Variants in SHOC2 observed in about 807,000 individuals in gnomAD.
SHOC2 encodes leucine-rich repeat protein SHOC-2.
In SHOC2, 4 loss-of-function variants were observed where a neutral mutation model predicts 50.2. The ratio of observed to expected loss-of-function variants is 0.08; its 90% CI spans 0.04 to 0.18. The LOEUF is 0.18. SHOC2 is among the 10% of genes least tolerant of loss of function. The pLI is 1.00. For synonymous variants in SHOC2, 218 were observed against 244.5 expected (o/e 0.89, Z 1.01); for missense variants, 388 against 669.6 (o/e 0.58, Z 4.64).
At chr10:110,936,683 T>G in intron 1 of SHOC2, 1 of 1,011,012 alleles carries the variant, frequency 9.9e-7, no homozygotes, top group Non-Finnish European at 1.5e-6. Flanking sequence ...CTTCTCCATG[T>G]TCCTCTTGGC....
At chr10:110,953,802 T>A (rs1847404871) in intron 1 of SHOC2, among the ~76,000 whole-genome samples, 1 of 151,702 alleles carries the variant, frequency 6.6e-6, no homozygotes, top group South Asian at 2.1e-4. Context: ...TGCCACATAT[T>A]TGGTGGATTG....
chr10:110,951,087 A>G (rs1847342864), intron 1 of SHOC2, among the ~76,000 whole-genome samples: 1 of 152,226 alleles, frequency 6.6e-6, no homozygotes, highest in African/African-American at 2.4e-5. Flanking sequence ...AATGATCAAC[A>G]GAGTGAACAA....
chr10:110,968,206 C>T (rs1206160128), intron 2 of SHOC2, among the ~76,000 whole-genome samples: 2 of 152,068 alleles, frequency 1.3e-5, no homozygotes, highest in African/African-American at 2.4e-5. Flanking sequence ...TTGCAGTTCC[C>T]TGATCACTAT....
rs1296183550 is a variant in SHOC2 at position 110,919,759 on chromosome 10, C to T, written c.-235+102C>T. 7 of 395,540 alleles carry T rather than the reference C, an allele frequency of 1.8e-5. No homozygotes were observed. In the East Asian group the frequency reaches 2.5e-4, roughly 14 times the overall value. The allele number at this position is 395,540 out of a possible 1,614,324, so 24.5% of individuals were successfully genotyped here. ...GGGCTGGCTGTCGGTAGGGGGAGGCCCCGTGCGCCCTGACAGGCGCGAGCC... is the reference window on the plus strand; with the variant it reads ...GGGCTGGCTGTCGGTAGGGGGAGGCTCCGTGCGCCCTGACAGGCGCGAGCC... On this transcript the variant is annotated intron_variant, in intron 1 of 8. Coordinates refer to ENST00000369452, the MANE Select transcript of SHOC2 (RefSeq NM_007373.4).
rs569489004 is a variant in SHOC2, at chr10:110,988,506, A to G, written c.841+2741A>G. On this transcript the variant is annotated intron_variant, in intron 3 of 8. Coordinates refer to ENST00000369452, the MANE Select transcript of SHOC2 (RefSeq NM_007373.4). ...GCATTAAGTTGTTCATAACATTCTT[A>G]TTATTTTAATATCTGTAGAATCTAT... is the stretch of plus-strand genomic sequence containing the variant. 1.2e-4 allele frequency among the ~76,000 whole-genome samples: 19 copies of G among 152,236 alleles called. No individual in the cohort carries two copies. In the South Asian group the frequency reaches 2.5e-3, roughly 20 times the overall value.
chr10:110,959,954 TAC>T (rs1847540844), intron 1 of SHOC2, among the ~76,000 whole-genome samples: 1 of 152,164 alleles, frequency 6.6e-6, no homozygotes, highest in Non-Finnish European at 1.5e-5. Context: ...CCCCTAAGAG[TAC>T]ACTGCTGGAA....
intron 1 of SHOC2, among the ~76,000 whole-genome samples, chr10:110,954,429 G>A (rs1032783376): frequency 1.3e-5 from 2 of 152,240 alleles, no homozygotes; most frequent in East Asian, 1.9e-4. Flanking sequence ...TAAAGGGGTA[G>A]TATCAGCTAG....
chr10:110,986,439 T>C (rs1848077558), intron 3 of SHOC2, among the ~76,000 whole-genome samples: 1 of 152,204 alleles, frequency 6.6e-6, no homozygotes, highest in Non-Finnish European at 1.5e-5. Flanking sequence ...TTAATTTACA[T>C]AATTTCAGTC....
chr10:110,990,659 C>T (rs1210161698), intron 3 of SHOC2, among the ~76,000 whole-genome samples: 8 of 151,956 alleles, frequency 5.3e-5, no homozygotes, highest in Non-Finnish European at 1.0e-4. Flanking sequence ...AGCAGGCTGC[C>T]GGAGCCAGCA....
At chr10:110,923,795 C>T (rs566146432) in intron 1 of SHOC2, among the ~76,000 whole-genome samples, 1 of 152,160 alleles carries the variant, frequency 6.6e-6, no homozygotes, top group South Asian at 2.1e-4. Flanking sequence ...ATTATTTGTG[C>T]ATGACTATCT....
intron 8 of SHOC2, among the ~76,000 whole-genome samples, 164 bp from the exon 9 acceptor site, chr10:111,011,446 C>A (rs1042530763): frequency 2.0e-5 from 3 of 151,966 alleles, no homozygotes; most frequent in African/African-American, 7.3e-5. Flanking sequence ...TTTGAATATG[C>A]AGCAAAATTT....
chr10:110,992,143 G>A (rs1848196203), intron 3 of SHOC2, among the ~76,000 whole-genome samples: 1 of 151,932 alleles, frequency 6.6e-6, no homozygotes, highest in South Asian at 2.1e-4. Context: ...CATTCCTGGA[G>A]TAACTATCAC....
At chr10:110,995,159 T>C (rs1025765094) in intron 3 of SHOC2, among the ~76,000 whole-genome samples, 1 of 152,230 alleles carries the variant, frequency 6.6e-6, no homozygotes, top group Non-Finnish European at 1.5e-5. Context: ...TAAGAAAGTA[T>C]GAATTAATGC....
intron 1 of SHOC2, among the ~76,000 whole-genome samples, chr10:110,947,253 G>T (rs1315193761): frequency 6.6e-6 from 1 of 152,190 alleles, no homozygotes; most frequent in Non-Finnish European, 1.5e-5. Context: ...CAGGCACCAG[G>T]CCAGATCCCA....
At chr10:110,951,293 C>T (rs1327221090) in intron 1 of SHOC2, among the ~76,000 whole-genome samples, 1 of 152,096 alleles carries the variant, frequency 6.6e-6, no homozygotes, top group African/African-American at 2.4e-5. Flanking sequence ...CGTCATTAAT[C>T]ATCAGGGAAA....
intron 1 of SHOC2, among the ~76,000 whole-genome samples, chr10:110,941,687 C>G (rs1847148349): frequency 6.6e-6 from 1 of 152,068 alleles, no homozygotes; most frequent in Non-Finnish European, 1.5e-5. Flanking sequence ...ACATGGTTTG[C>G]AAATATTTTC....
chr10:110,994,407 T>C (rs1680375777), intron 3 of SHOC2, among the ~76,000 whole-genome samples: 1 of 152,192 alleles, frequency 6.6e-6, no homozygotes, highest in Non-Finnish European at 1.5e-5. Flanking sequence ...ATTTTAAATA[T>C]CTATATCATC....
intron 2 of SHOC2, among the ~76,000 whole-genome samples, chr10:110,981,711 C>T (rs1009781301): frequency 1.9e-4 from 29 of 152,020 alleles, no homozygotes; most frequent in Non-Finnish European, 3.4e-4. Flanking sequence ...GATCTTACTT[C>T]TTTAGACTGT....
At chr10:110,930,070 GC>G (rs1846859875) in intron 1 of SHOC2, among the ~76,000 whole-genome samples, 3 of 152,022 alleles carry the variant, frequency 2.0e-5, no homozygotes, top group South Asian at 2.1e-4. Context: ...GAAGATTTTA[GC>G]TTTGTGATAT....
Sources: allele counts gnomAD v4.1 joint callset (sites outside exome capture counted in the v4.1 genomes callset), GRCh38; gene constraint gnomAD v4.1.1; transcripts MANE v1.5; gene names NCBI Gene and HGNC (gene_info 2026-07-23, HGNC 2026-07-21).